SMIM7: variants seen among roughly 807,000 people sequenced by gnomAD.
SMIM7 encodes UPF0608 protein C19orf42.
In SMIM7, 12 loss-of-function variants were observed where a neutral mutation model predicts 13.3. The observed-to-expected ratio is 0.90, with a 90% confidence interval of 0.58 to 1.46. SMIM7 has a LOEUF of 1.46. SMIM7 is among the 40% of genes most tolerant of loss of function. The pLI is 0.00. For synonymous variants in SMIM7, 36 were observed against 35.8 expected (o/e 1.01, Z -0.02); for missense variants, 114 against 94.8 (o/e 1.20, Z -0.84).
chr19:16,649,653 A>C (rs142195048), intron 4 of SMIM7, among the ~76,000 whole-genome samples: 1,978 of 152,316 alleles, frequency 0.013, 21 homozygotes, highest in Non-Finnish European at 0.021. Flanking sequence ...CTAAAAACAT[A>C]AATCTGTACA....
At chr19:16,632,109 C>A (rs893630219) in intron 4 of SMIM7, among the ~76,000 whole-genome samples, 4 of 152,028 alleles carry the variant, frequency 2.6e-5, no homozygotes, top group Admixed American at 6.6e-5. Flanking sequence ...ACTTCATGAT[C>A]CGCCTGCCTT....
chr19:16,639,344 G>C lies in SMIM7; in HGVS notation c.*138-7620C>G, dbSNP rs182972219. Among the ~76,000 whole-genome samples, 442 of 152,028 alleles carry C rather than the reference G, an allele frequency of 2.9e-3. 2 individuals carry two copies. The highest frequency in any genetic ancestry group is 0.01 in the African/African-American group (417 of 41,474). ...TCACCGTGTTAGCCAGGATGGTCTC[G>C]ATCTCCTGACCTCATGATCTGCCCG... On this transcript the variant is annotated intron_variant and NMD_transcript_variant, in intron 4 of 4. Coordinates refer to the SMIM7 transcript ENST00000465250.
At chr19:16,638,246 G>A (rs914070816) in intron 4 of SMIM7, among the ~76,000 whole-genome samples, 2 of 151,496 alleles carry the variant, frequency 1.3e-5, no homozygotes, top group Non-Finnish European at 2.9e-5. Context: ...CAGCCTGGAT[G>A]ACAGAGATTC....
At chr19:16,642,344 G>C (rs766312733), downstream of SMIM7, among the ~76,000 whole-genome samples, 1 of 152,038 alleles carries the variant, frequency 6.6e-6, no homozygotes, top group Non-Finnish European at 1.5e-5. Flanking sequence ...GGTCACTTGA[G>C]GGCAGAAGTT....
chr19:16,635,899 A>ATATATATATATATATATATATAT (rs1555703285), intron 4 of SMIM7, among the ~76,000 whole-genome samples: 3 of 109,600 alleles, frequency 2.7e-5, no homozygotes, highest in African/African-American at 1.3e-4. Flanking sequence ...AAAAAAAAAA[A>ATATATATATATATATATATATAT]ATATATATAT....
chr19:16,655,998 G>A (rs535087496), intron 3 of SMIM7, among the ~76,000 whole-genome samples: 1 of 152,328 alleles, frequency 6.6e-6, no homozygotes, highest in African/African-American at 2.4e-5. Context: ...TCTGTTTCCA[G>A]GAAGTTTTGA....
chr19:16,659,605 C>T lies in SMIM7; in HGVS notation c.69-158G>A, dbSNP rs2086645499. ...ACGTTCAATACCCTTCTCTGGGCCCCCACTGCCCGGACAATCACAGCCAGG... is the reference window on the plus strand; with the variant it reads ...ACGTTCAATACCCTTCTCTGGGCCCTCACTGCCCGGACAATCACAGCCAGG... On this transcript the variant is annotated intron_variant, in intron 2 of 4. Transcript: ENST00000487416. The T allele has an allele frequency of 5.4e-6, 4 of 744,662 alleles. No homozygotes were observed. The South Asian group carries it at 6.7e-5, about 12-fold the overall frequency. The allele number at this position is 744,662 out of a possible 1,614,324, so 46.1% of individuals were successfully genotyped here.
In SMIM7 at chr19:16,646,582, ATT is replaced by A. The variant is rs2086450974; in HGVS notation, c.*662_*663del. The A allele has an allele frequency of 6.5e-6, 1 of 154,796 alleles. No homozygotes were observed. The highest frequency in any genetic ancestry group is 2.4e-5 in the African/African-American group (1 of 41,524). The allele number at this position is 154,796 out of a possible 1,614,324, so 9.6% of individuals were successfully genotyped here. ...TGTACAATGAATGGCTCCCAAAGTC[ATT>A]TTATTTAACAAAGGGGTCAAGGCAG... On this transcript the variant is annotated 3_prime_UTR_variant, in exon 5 of 5. Transcript: ENST00000487416.
rs545516892 is a variant in SMIM7, at chr19:16,649,099, C to T, written c.213-1838G>A. On this transcript the variant is annotated intron_variant, in intron 4 of 4. Transcript: ENST00000487416. ...AACGGTAACAGAGTTGGCAAGGATACGGAGAAAGTGTAACCCTCGTAGGCT... is the reference window on the plus strand; with the variant it reads ...AACGGTAACAGAGTTGGCAAGGATATGGAGAAAGTGTAACCCTCGTAGGCT... Among the ~76,000 whole-genome samples, 8 of 152,196 alleles carry T rather than the reference C, an allele frequency of 5.3e-5. No homozygotes were observed. In the South Asian group the frequency reaches 1.0e-3, roughly 20 times the overall value.
chr19:16,649,350 G>A (rs532405453), intron 4 of SMIM7, among the ~76,000 whole-genome samples: 3 of 152,218 alleles, frequency 2.0e-5, no homozygotes, highest in East Asian at 1.9e-4. Flanking sequence ...GGCCGATGTG[G>A]GTGGATCATG....
intron 4 of SMIM7, among the ~76,000 whole-genome samples, chr19:16,638,301 C>CTTT (rs375558591): frequency 8.1e-5 from 10 of 122,766 alleles, no homozygotes; most frequent in South Asian, 2.6e-4. Flanking sequence ...TTTCTTTTTT[C>CTTT]TTTTTTTTTT....
chr19:16,637,170 A>C (rs1017362881), intron 4 of SMIM7, among the ~76,000 whole-genome samples: 3 of 152,070 alleles, frequency 2.0e-5, no homozygotes, highest in Non-Finnish European at 4.4e-5. Context: ...CACTACTCAA[A>C]AGTGTGGTCC....
At chr19:16,653,242 G>C (rs571895976) in intron 4 of SMIM7, among the ~76,000 whole-genome samples, 78 of 152,298 alleles carry the variant, frequency 5.1e-4, no homozygotes, top group Non-Finnish European at 8.8e-4. Flanking sequence ...CACAGGGACA[G>C]AGTTTAACCC....
chr19:16,642,739 G>C (rs1322254437), downstream of SMIM7, among the ~76,000 whole-genome samples: 1 of 151,790 alleles, frequency 6.6e-6, no homozygotes, highest in Non-Finnish European at 1.5e-5. Flanking sequence ...AGGTACTTGG[G>C]AGACTGAGGT....
chr19:16,660,008 G>A lies in SMIM7; in HGVS notation c.27-8C>T. On this transcript the variant is annotated splice_polypyrimidine_tract_variant and splice_region_variant and intron_variant, in intron 1 of 4. Transcript: ENST00000487416. ...GCATTCATCAGCAACGTCCTGCAGAGGGAGAATTACAGTTACTAGGGGCGC... is the reference window on the plus strand; with the variant it reads ...GCATTCATCAGCAACGTCCTGCAGAAGGAGAATTACAGTTACTAGGGGCGC... 1.2e-6 allele frequency: 2 copies of A among 1,614,064 alleles called. No individual in the cohort carries two copies. The highest frequency in any genetic ancestry group is 1.7e-6 in the Non-Finnish European group (2 of 1,179,998).
chr19:16,654,077 A>G lies in SMIM7; in HGVS notation c.170T>C (p.Phe57Ser). Residue 57 changes from phenylalanine to serine, a missense_variant, in exon 4 of 5, where the codon TTC (phenylalanine) becomes TCC (serine). Transcript: ENST00000487416. ...CATGAAGATGTTCCACAGGGCGATG[A>G]AGATTCGAAAGTATCTGAGGCTCAG... ...FLLSLRYFRI[F>S]IALWNIFMMF... The G allele has an allele frequency of 3.1e-6, 5 of 1,614,144 alleles. No individual in the cohort carries two copies. Among genetic ancestry groups the G allele is most frequent in the Non-Finnish European group, 4.2e-6 (5 of 1,180,022 alleles).
chr19:16,659,080 C>T (rs964249668), intron 3 of SMIM7: 81 of 383,310 alleles, frequency 2.1e-4, no homozygotes, highest in African/African-American at 1.4e-3. Context: ...CCCAGGAGTT[C>T]GAGACCGGCC....
chr19:16,659,869 G>GGGGCCT, intron 2 of SMIM7, 90 bp downstream of exon 2: 1 of 1,508,540 alleles, frequency 6.6e-7, no homozygotes, highest in Non-Finnish European at 8.9e-7. Context: ...GCTTGGGGGC[G>GGGGCCT]GGGCCTGAGA....
At chr19:16,643,133 A>T (rs555789370), downstream of SMIM7, among the ~76,000 whole-genome samples, 1 of 152,312 alleles carries the variant, frequency 6.6e-6, no homozygotes, top group South Asian at 2.1e-4. Flanking sequence ...AAAAGAAAAA[A>T]AAAGTTATTT....
Sources: allele counts gnomAD v4.1 joint callset (sites outside exome capture counted in the v4.1 genomes callset), GRCh38; gene constraint gnomAD v4.1.1; transcripts MANE v1.5; gene names NCBI Gene and HGNC (gene_info 2026-07-23, HGNC 2026-07-21).